VWC2: variants seen among roughly 807,000 people sequenced by gnomAD.
VWC2 encodes the protein von Willebrand factor C domain containing 2.
VWC2 carries 14 observed loss-of-function variants against 29.8 expected under a neutral mutation model. That is an observed-to-expected ratio of 0.47 (90% CI 0.31 to 0.74). The LOEUF (loss-of-function observed/expected upper bound fraction) is 0.74, where lower values mean the gene tolerates loss of function less well. VWC2 is among the 30% of genes least tolerant of loss of function. The pLI is 0.05. For synonymous variants in VWC2, 213 were observed against 199.0 expected (o/e 1.07, Z -0.59); for missense variants, 457 against 459.8 (o/e 0.99, Z 0.05).
intron 2 of VWC2, among the ~76,000 whole-genome samples, chr7:49,801,935 T>A (rs1788747593): frequency 6.6e-6 from 1 of 152,134 alleles, no homozygotes; most frequent in South Asian, 2.1e-4. Context: ...TTCACCCCTT[T>A]CCCCTTTCCT....
intron 3 of VWC2, among the ~76,000 whole-genome samples, chr7:49,903,394 A>C (rs1408847529): frequency 6.6e-6 from 1 of 152,244 alleles, no homozygotes; most frequent in African/African-American, 2.4e-5. Flanking sequence ...CATGGAATAC[A>C]ACTTACCTGT....
At chr7:49,839,362 G>C (rs1562725243) in intron 3 of VWC2, among the ~76,000 whole-genome samples, 1 of 152,194 alleles carries the variant, frequency 6.6e-6, no homozygotes. Context: ...TACAATATGT[G>C]ATGTCATTTA....
intron 3 of VWC2, among the ~76,000 whole-genome samples, chr7:49,819,659 G>T (rs1789222690): frequency 1.3e-5 from 2 of 152,206 alleles, no homozygotes; most frequent in African/African-American, 4.8e-5. Flanking sequence ...CAAAGAGGTG[G>T]CTTTGAATTC....
Position 49,775,479 on chromosome 7 carries a change from C to A in VWC2, c.44C>A (p.Ser15Tyr). 6.7e-7 allele frequency: 1 copy of A among 1,484,026 alleles called. No individual in the cohort carries two copies. Among genetic ancestry groups the A allele is most frequent in the Non-Finnish European group, 9.0e-7 (1 of 1,113,736 alleles). 91.9% of individuals were successfully genotyped at this position (1,484,026 alleles called of 1,614,324 possible). A position where few individuals can be genotyped will look rare whatever the true frequency, so the allele number is the denominator to read the frequency against. Reference sequence around the variant, plus strand: ...ATGGCAGTTGGCGCGCTCTCCAGTTCCCTCCTGGTCACCTGCTGCCTGATG... The same window carrying A: ...ATGGCAGTTGGCGCGCTCTCCAGTTACCTCCTGGTCACCTGCTGCCTGATG... ...TAMAVGALSS[S>Y]LLVTCCLMVA... The change falls in exon 2 of 4, where the codon TCC becomes TAC. Residue 15 changes from serine to tyrosine, a missense_variant. This residue lies in a region of VWC2 where 272 missense variants were observed against 202.7 expected (regional missense o/e 1.34). Transcript: ENST00000340652.
rs1178705396 is a variant in VWC2 at position 49,773,976 on chromosome 7, G to T, written c.-241G>T. The T allele has an allele frequency of 6.6e-6, 1 of 152,040 alleles. No individual in the cohort carries two copies. The highest frequency in any genetic ancestry group is 1.5e-5 in the Non-Finnish European group (1 of 68,016). The allele number at this position is 152,040 out of a possible 1,614,324, so 9.4% of individuals were successfully genotyped here. A position where few individuals can be genotyped will look rare whatever the true frequency, so the allele number is the denominator to read the frequency against. On this transcript the variant is annotated 5_prime_UTR_variant, in exon 1 of 4. Transcript: ENST00000340652. ...GCGCGCCAGGCGGAGCGCGCAGGTG[G>T]GGCTGGGCTGTTAGTGGTCCGCCCC... is the stretch of plus-strand genomic sequence containing the variant.
At chr7:49,873,740 T>G (rs1210663517) in intron 3 of VWC2, among the ~76,000 whole-genome samples, 1 of 152,202 alleles carries the variant, frequency 6.6e-6, no homozygotes, top group Non-Finnish European at 1.5e-5. Context: ...CATGTATATT[T>G]GTTAAATCAT....
In VWC2 at chr7:49,793,985, G is replaced by A. The variant is rs186340218; in HGVS notation, c.697-8726G>A. Among the ~76,000 whole-genome samples, 7 of 152,288 alleles carry A rather than the reference G, an allele frequency of 4.6e-5. No individual in the cohort carries two copies. In the East Asian group the frequency reaches 5.8e-4, roughly 13 times the overall value. On this transcript the variant is annotated intron_variant, in intron 2 of 3. Transcript: ENST00000340652. ...GTTTCTGAAAGGAGGGCACAAATGC[G>A]CTCATTCTGTGGACTAGCCAACACC...
chr7:49,854,207 T>C (rs1394359077), intron 3 of VWC2, among the ~76,000 whole-genome samples: 1 of 152,254 alleles, frequency 6.6e-6, no homozygotes, highest in Non-Finnish European at 1.5e-5. Flanking sequence ...CAGCATGATT[T>C]ATAATCCTTT....
chr7:49,902,159 T>G (rs2128736490), intron 3 of VWC2, among the ~76,000 whole-genome samples: 1 of 152,064 alleles, frequency 6.6e-6, no homozygotes, highest in South Asian at 2.1e-4. Context: ...ATCAGTAACA[T>G]GAATAATAAA....
chr7:49,790,882 A>T lies in VWC2; in HGVS notation c.697-11829A>T, dbSNP rs139707445. ...TCCAGGTGACTGCTGAAAGGAAGAC[A>T]TCATTTTCCAGGTTTCTTATAGGTG... On this transcript the variant is annotated intron_variant, in intron 2 of 3. Coordinates refer to ENST00000340652, the MANE Select transcript of VWC2 (RefSeq NM_198570.5). Among the ~76,000 whole-genome samples the T allele has an allele frequency of 3.2e-3, 492 of 152,138 alleles. 2 individuals are homozygous for T. The highest frequency in any genetic ancestry group is 0.012 in the African/African-American group (479 of 41,500).
At chr7:49,789,260 T>G (rs1298945584) in intron 2 of VWC2, among the ~76,000 whole-genome samples, 2 of 140,620 alleles carry the variant, frequency 1.4e-5, no homozygotes, top group African/African-American at 5.8e-5. Context: ...TGGGAGTGGG[T>G]GTGTGTGAGC....
intron 2 of VWC2, among the ~76,000 whole-genome samples, chr7:49,782,296 T>C (rs902962548): frequency 1.3e-5 from 2 of 152,186 alleles, no homozygotes; most frequent in Non-Finnish European, 2.9e-5. Context: ...CTCTTGTTCA[T>C]AGGCAGTGAA....
At chr7:49,837,468 T>A (rs933952940) in intron 3 of VWC2, among the ~76,000 whole-genome samples, 1 of 152,190 alleles carries the variant, frequency 6.6e-6, no homozygotes. Context: ...CTTATTAGCT[T>A]AAAACAGAAG....
At chr7:49,831,990 G>C (rs758244315) in intron 3 of VWC2, among the ~76,000 whole-genome samples, 1 of 152,148 alleles carries the variant, frequency 6.6e-6, no homozygotes, top group Non-Finnish European at 1.5e-5. Context: ...TTTCCCTGAG[G>C]CCAGCCTGTT....
intron 2 of VWC2, among the ~76,000 whole-genome samples, chr7:49,788,525 G>GTA (rs1168372345): frequency 1.3e-5 from 2 of 151,662 alleles, no homozygotes; most frequent in African/African-American, 4.9e-5. Context: ...GAGTGTGGGT[G>GTA]TGAGACAGTG....
At chr7:49,776,414 G>A (rs1305337429) in intron 2 of VWC2, among the ~76,000 whole-genome samples, 2 of 152,210 alleles carry the variant, frequency 1.3e-5, no homozygotes, top group Non-Finnish European at 2.9e-5. Flanking sequence ...AACAGGTATC[G>A]GAGGGACTTT....
At chr7:49,876,533 G>A (rs1791420455) in intron 3 of VWC2, among the ~76,000 whole-genome samples, 1 of 152,130 alleles carries the variant, frequency 6.6e-6, no homozygotes, top group African/African-American at 2.4e-5. Context: ...GGGATATGCT[G>A]CTGACATGAT....
rs547525073 is a variant in VWC2, at chr7:49,798,319, C to G, written c.697-4392C>G. ...CAGCTGCCTGGGCCTGCTGACCACG[C>G]CAGTGGGGATCCAGCTATGGGTTGG... On this transcript the variant is annotated intron_variant, in intron 2 of 3. Coordinates refer to ENST00000340652, the MANE Select transcript of VWC2 (RefSeq NM_198570.5). Among the ~76,000 whole-genome samples the G allele has an allele frequency of 7.2e-5, 11 of 152,312 alleles. No homozygotes were observed. The South Asian group carries it at 2.3e-3, about 32-fold the overall frequency.
chr7:49,876,221 A>G (rs1010339725), intron 3 of VWC2, among the ~76,000 whole-genome samples: 2 of 152,190 alleles, frequency 1.3e-5, no homozygotes, highest in Non-Finnish European at 2.9e-5. Flanking sequence ...CCAGATAGTA[A>G]GATACCGAAA....
Sources: gnomAD v4.1 joint callset for allele counts (sites outside exome capture counted in the v4.1 genomes callset) on GRCh38, gnomAD v4.1.1 for gene constraint, gnomAD v4.1.1 regional missense constraint, MANE v1.5 for transcripts, NCBI Gene and HGNC (gene_info 2026-07-23, HGNC 2026-07-21) for gene names.